NECTIN3: variants seen among roughly 807,000 people sequenced by gnomAD.
The protein encoded by NECTIN3 is nectin cell adhesion molecule 3.
A neutral mutation model predicts 49.4 loss-of-function variants in NECTIN3; 8 were observed. The observed-to-expected ratio is 0.16, with a 90% CI of 0.10 to 0.29. The LOEUF (loss-of-function observed/expected upper bound fraction) is 0.29, where lower values mean the gene tolerates loss of function less well. NECTIN3 is among the 10% of genes least tolerant of loss of function. NECTIN3 has a pLI of 1.00. For synonymous variants in NECTIN3, 277 were observed against 241.1 expected, an observed-to-expected ratio of 1.15 and a Z score of -1.38; for missense variants, 581 against 654.6, an observed-to-expected ratio of 0.89 and a Z score of 1.23.
At chr3:111,101,989 T>C (rs575397221) in intron 1 of NECTIN3, among the ~76,000 whole-genome samples, 3 of 152,316 alleles carry the variant, frequency 2.0e-5, no homozygotes, top group Non-Finnish European at 2.9e-5. Flanking sequence ...AGCTTAAATG[T>C]CACATCTAGC....
Position 111,146,814 on chromosome 3 carries a change from T to C in NECTIN3, c.1140-589T>C, listed in dbSNP as rs530247589. Among the ~76,000 whole-genome samples, 34 of 152,312 alleles carry C rather than the reference T, an allele frequency of 2.2e-4. No homozygotes were observed. In the South Asian group the frequency reaches 5.2e-3, roughly 23 times the overall value. ...AAAACTATCTTTGTTATAAGTAAAC[T>C]ATATTTAAAATATATGAAAATGTTG... is the stretch of plus-strand genomic sequence containing the variant. On this transcript the variant is annotated intron_variant, in intron 6 of 8. Coordinates refer to the NECTIN3 transcript ENST00000493615.
intron 1 of NECTIN3, among the ~76,000 whole-genome samples, chr3:111,104,678 A>G (rs181309122): frequency 1.8e-3 from 277 of 151,880 alleles, no homozygotes; most frequent in Non-Finnish European, 3.1e-3. Context: ...GGAGTTCTTT[A>G]TGTGTTTTGG....
In NECTIN3 at chr3:111,134,038, A is replaced by G. The variant is rs948059414; in HGVS notation, c.1473A>G (p.Glu491=). ...LIRKDYLEEP[E]KTQWNNVENL... is the part of the protein sequence containing the mutation. The stretch of plus-strand genomic sequence containing the variant: ...GTAAAGACTATTTAGAAGAGCCTGA[A>G]AAAACTCAGTGGAACAATGTAGAAA... Residue 491 remains glutamate (E), a synonymous_variant, in exon 6 of 6, where the codon GAA becomes GAG. Coordinates refer to ENST00000485303, the MANE Select transcript of NECTIN3 (RefSeq NM_015480.3). 22 of 1,613,168 alleles carry G rather than the reference A, an allele frequency of 1.4e-5. No homozygotes were observed. The highest frequency in any genetic ancestry group is 1.6e-5 in the Non-Finnish European group (19 of 1,179,648).
At chr3:111,074,541 A>C (rs982233898) in intron 1 of NECTIN3, among the ~76,000 whole-genome samples, 3 of 152,066 alleles carry the variant, frequency 2.0e-5, no homozygotes, top group Non-Finnish European at 4.4e-5. Context: ...TGTTAATTTA[A>C]CTGTTAAAAA....
chr3:111,154,400 T>C (rs539371942), intron 7 of NECTIN3, among the ~76,000 whole-genome samples: 9 of 152,324 alleles, frequency 5.9e-5, no homozygotes, highest in African/African-American at 2.2e-4. Flanking sequence ...TATATATTTA[T>C]CTGTTGATGC....
chr3:111,077,908 G>C (rs1034688118), intron 1 of NECTIN3, among the ~76,000 whole-genome samples: 11 of 152,140 alleles, frequency 7.2e-5, no homozygotes, highest in African/African-American at 2.7e-4. Context: ...GTAATTTCAA[G>C]TTTTCTTGAA....
intron 1 of NECTIN3, among the ~76,000 whole-genome samples, chr3:111,085,133 G>A (rs983114342): frequency 6.6e-6 from 1 of 152,156 alleles, no homozygotes; most frequent in Non-Finnish European, 1.5e-5. Flanking sequence ...AAGTCATATC[G>A]GATTAAGGGC....
At chr3:111,155,838 G>A (rs1483709222) in intron 7 of NECTIN3, among the ~76,000 whole-genome samples, 1 of 152,114 alleles carries the variant, frequency 6.6e-6, no homozygotes, top group Non-Finnish European at 1.5e-5. Context: ...TGTGACATGA[G>A]CAATGCCAGT....
At chr3:111,095,302 GTTATA>G (rs5851751) in intron 1 of NECTIN3, among the ~76,000 whole-genome samples, 6,406 of 152,232 alleles carry the variant, frequency 0.042, 184 homozygotes, top group East Asian at 0.073. Context: ...AAGGTTCCAT[GTTATA>G]TTGAGTTTTA....
At chr3:111,165,596 T>C (rs954464772) in intron 7 of NECTIN3, among the ~76,000 whole-genome samples, 1 of 152,264 alleles carries the variant, frequency 6.6e-6, no homozygotes, top group Admixed American at 6.5e-5. Context: ...AGACTAGCCA[T>C]TGACAAAGCA....
chr3:111,102,679 A>G (rs2032971816), intron 1 of NECTIN3, among the ~76,000 whole-genome samples: 1 of 152,192 alleles, frequency 6.6e-6, no homozygotes, highest in African/African-American at 2.4e-5. Flanking sequence ...AGTTTCTTTT[A>G]TGGATCATGC....
chr3:111,171,637 T>G (rs1257345062), intron 7 of NECTIN3, among the ~76,000 whole-genome samples: 3 of 151,920 alleles, frequency 2.0e-5, no homozygotes, highest in African/African-American at 7.3e-5. Context: ...CATACACCAG[T>G]GCATATTGAC....
intron 1 of NECTIN3, among the ~76,000 whole-genome samples, chr3:111,080,620 A>C (rs1238937453): frequency 6.6e-6 from 1 of 152,076 alleles, no homozygotes; most frequent in Non-Finnish European, 1.5e-5. Flanking sequence ...GAATGGGTTA[A>C]GTAATATTTA....
At chr3:111,132,339 T>C (rs1576146832) in intron 5 of NECTIN3, among the ~76,000 whole-genome samples, 1 of 152,034 alleles carries the variant, frequency 6.6e-6, no homozygotes, top group African/African-American at 2.4e-5. Flanking sequence ...TCTATACATA[T>C]GGCATTCCGT....
intron 3 of NECTIN3, among the ~76,000 whole-genome samples, chr3:111,119,617 A>T (rs1333394800): frequency 6.6e-6 from 1 of 152,242 alleles, no homozygotes; most frequent in Admixed American, 6.5e-5. Context: ...GGCATGAGCC[A>T]CTGCATGTGG....
At chr3:111,125,768 T>A (rs1460723985) in intron 4 of NECTIN3, among the ~76,000 whole-genome samples, 1 of 152,222 alleles carries the variant, frequency 6.6e-6, no homozygotes, top group Non-Finnish European at 1.5e-5. Flanking sequence ...TTAAGTGAGA[T>A]GACTTTGCAT....
In NECTIN3 at chr3:111,134,429, C is replaced by A; in HGVS notation, c.*214C>A. 8.1e-7 allele frequency: 1 copy of A among 1,229,178 alleles called. No individual in the cohort carries two copies. Among genetic ancestry groups the A allele is most frequent in the Non-Finnish European group, 1.0e-6 (1 of 982,966 alleles). The allele number at this position is 1,229,178 out of a possible 1,614,324, so 76.1% of individuals were successfully genotyped here. A position where few individuals can be genotyped will look rare whatever the true frequency, so the allele number is the denominator to read the frequency against. On this transcript the variant is annotated 3_prime_UTR_variant, in exon 6 of 6. Transcript: ENST00000485303. ...TTTTTTTTCAATGCTGTACTACTGT[C>A]TCAAGATTTAAATTTTAATGCAGAG... is the stretch of plus-strand genomic sequence containing the variant.
intron 1 of NECTIN3, among the ~76,000 whole-genome samples, chr3:111,082,442 A>AT (rs1162704879): frequency 1.3e-5 from 2 of 151,578 alleles, no homozygotes; most frequent in East Asian, 1.9e-4. Context: ...TGGGGCCAGA[A>AT]TTTTTTTTTA....
chr3:111,166,913 A>ATAAG (rs879281270), intron 7 of NECTIN3, among the ~76,000 whole-genome samples: 6 of 152,184 alleles, frequency 3.9e-5, no homozygotes, highest in Non-Finnish European at 7.4e-5. Flanking sequence ...TTTAATAAAG[A>ATAAG]TAGGTAGGTA....
Sources: allele counts gnomAD v4.1 joint callset (sites outside exome capture counted in the v4.1 genomes callset), GRCh38; gene constraint gnomAD v4.1.1; transcripts MANE v1.5; gene names NCBI Gene and HGNC (gene_info 2026-07-23, HGNC 2026-07-21).